Variants in RIMS2 observed in about 807,000 individuals in gnomAD.
RIMS2 encodes regulating synaptic membrane exocytosis protein 2.
RIMS2 carries 59 observed loss-of-function variants against 174.4 expected under a neutral mutation model. The ratio of observed to expected loss-of-function variants is 0.34; its 90% CI spans 0.27 to 0.42. The LOEUF (loss-of-function observed/expected upper bound fraction) is 0.42, where lower values mean the gene tolerates loss of function less well. Among genes scored for constraint, RIMS2 ranks in the 10% least tolerant of loss-of-function variants. The pLI is 1.00. For missense variants in RIMS2, 1,620 were observed against 1,666.3 expected, an observed-to-expected ratio of 0.97 and a Z score of 0.48; for synonymous variants, 606 against 572.5, an observed-to-expected ratio of 1.06 and a Z score of -0.84.
chr8:103,727,751 C>T (rs778095284), intron 2 of RIMS2, among the ~76,000 whole-genome samples: 14 of 152,084 alleles, frequency 9.2e-5, no homozygotes, highest in Admixed American at 2.0e-4. Context: ...TCACTGTCGA[C>T]GTATGGATTT....
In RIMS2 at chr8:104,014,530, CCAGA is replaced by C; in HGVS notation, c.3252_3255del (p.Thr1085AlafsTer33). 1.2e-6 allele frequency: 2 copies of C among 1,611,448 alleles called. No homozygotes were observed. ...GGTCTCATCCTCGTACTGGGTCTGT[CCAGA>C]CAAGCCCATCAAGTACTCCAGTCGC... On this transcript the variant is annotated frameshift_variant, in exon 19 of 24. Coordinates refer to ENST00000504942, the Ensembl canonical transcript of RIMS2. LOFTEE classifies it high-confidence loss of function.
intron 1 of RIMS2, among the ~76,000 whole-genome samples, chr8:103,583,866 A>G (rs2093753849): frequency 6.6e-6 from 1 of 152,218 alleles, no homozygotes; most frequent in Non-Finnish European, 1.5e-5. Context: ...TCAAAGGGTA[A>G]CAAAGTCAAC....
intron 16 of RIMS2, among the ~76,000 whole-genome samples, chr8:103,981,086 G>T (rs1306796535): frequency 1.3e-5 from 2 of 152,170 alleles, no homozygotes; most frequent in Non-Finnish European, 2.9e-5. Flanking sequence ...GTGAACATAG[G>T]TGATAGTAGC....
At chr8:104,132,044 A>G (rs2098478068) in intron 19 of RIMS2, among the ~76,000 whole-genome samples, 1 of 152,216 alleles carries the variant, frequency 6.6e-6, no homozygotes, top group Non-Finnish European at 1.5e-5. Flanking sequence ...CTAAATTCAT[A>G]AAATACATAT....
intron 19 of RIMS2, among the ~76,000 whole-genome samples, chr8:104,083,622 A>C (rs2097474257): frequency 6.6e-6 from 1 of 152,174 alleles, no homozygotes; most frequent in Non-Finnish European, 1.5e-5. Flanking sequence ...TTCTGATCTG[A>C]GGGCTTGGAG....
chr8:103,921,819 A>G (rs2077720503), intron 10 of RIMS2, 35 bp downstream of exon 13: 2 of 792,088 alleles, frequency 2.5e-6, no homozygotes, highest in African/African-American at 1.7e-5. Context: ...TCTTTTTGGA[A>G]TATCAAATAG....
At chr8:104,134,389 C>T (rs1309669188) in intron 19 of RIMS2, among the ~76,000 whole-genome samples, 1 of 152,168 alleles carries the variant, frequency 6.6e-6, no homozygotes, top group Non-Finnish European at 1.5e-5. Flanking sequence ...TGCTTGAACC[C>T]GGGAGGCGGA....
chr8:104,067,367 G>T (rs1355147588), intron 19 of RIMS2, among the ~76,000 whole-genome samples: 1 of 152,070 alleles, frequency 6.6e-6, no homozygotes, highest in Non-Finnish European at 1.5e-5. Context: ...CTGAGAAATG[G>T]AATATTCCTA....
intron 19 of RIMS2, among the ~76,000 whole-genome samples, chr8:104,089,806 C>G (rs2097604790): frequency 6.6e-6 from 1 of 151,676 alleles, no homozygotes; most frequent in Non-Finnish European, 1.5e-5. Context: ...TAAGCCTCTG[C>G]TATTTGCTAA....
At chr8:103,825,527 C>T (rs560558712) in intron 3 of RIMS2, among the ~76,000 whole-genome samples, 29 of 151,534 alleles carry the variant, frequency 1.9e-4, no homozygotes, top group Admixed American at 9.2e-4. Flanking sequence ...TCAGGCGATC[C>T]ACCTGCCTCA....
At chr8:103,763,192 C>T (rs778579509) in intron 2 of RIMS2, among the ~76,000 whole-genome samples, 16 of 152,228 alleles carry the variant, frequency 1.1e-4, no homozygotes, top group Middle Eastern at 3.4e-3. Context: ...AATCCTAGCA[C>T]TTTGGAAGGC....
intron 1 of RIMS2, among the ~76,000 whole-genome samples, chr8:103,675,024 C>T (rs746110574): frequency 2.0e-5 from 3 of 152,116 alleles, no homozygotes; most frequent in Admixed American, 1.3e-4. Flanking sequence ...GATTCTCCTG[C>T]TTCAGCCTCC....
intron 19 of RIMS2, among the ~76,000 whole-genome samples, chr8:104,087,412 A>AAGT (rs2097555476): frequency 6.6e-6 from 1 of 152,080 alleles, no homozygotes; most frequent in South Asian, 2.1e-4. Flanking sequence ...GACAAGGGAG[A>AAGT]AGTACACATA....
At chr8:103,684,344 G>A (rs1420292614) in intron 1 of RIMS2, among the ~76,000 whole-genome samples, 2 of 152,092 alleles carry the variant, frequency 1.3e-5, no homozygotes, top group Non-Finnish European at 2.9e-5. Flanking sequence ...CTGCCTGTTT[G>A]TGTATAACCA....
Position 104,204,654 on chromosome 8 carries a change from T to A in RIMS2, c.3335-40262T>A, listed in dbSNP as rs1027511167. Among the ~76,000 whole-genome samples the A allele has an allele frequency of 9.2e-5, 14 of 152,110 alleles. 2 individuals are homozygous for A. The South Asian group carries it at 2.9e-3, about 32-fold the overall frequency. On this transcript the variant is annotated intron_variant, in intron 19 of 23. Transcript: ENST00000504942. The stretch of plus-strand genomic sequence containing the variant: ...ATTTAAAAACAAAAACAAAAAAAAA[T>A]TACTTGACATTTTTAGCAAATCTAT...
At chr8:103,933,288 G>GACACACACAC (rs55909886) in intron 12 of RIMS2, among the ~76,000 whole-genome samples, 2,646 of 119,642 alleles carry the variant, frequency 0.022, 56 homozygotes, top group East Asian at 0.034. Context: ...TCGAGACTCT[G>GACACACACAC]ACACACACAC....
chr8:103,620,381 G>T (rs1055316260), intron 1 of RIMS2, among the ~76,000 whole-genome samples: 1 of 150,506 alleles, frequency 6.6e-6, no homozygotes, highest in Middle Eastern at 3.2e-3. Context: ...TTTAATTCTT[G>T]TTTTTTTTCA....
chr8:104,079,600 T>G (rs1243799375), intron 19 of RIMS2, among the ~76,000 whole-genome samples: 1 of 36,010 alleles, frequency 2.8e-5, no homozygotes, highest in Non-Finnish European at 5.2e-5. Flanking sequence ...TTAAGCATGA[T>G]ATATATATAT....
rs192025624 is a variant in RIMS2, at chr8:103,760,014, A to G, written c.388-6213A>G. Among the ~76,000 whole-genome samples, 43 of 152,368 alleles carry G rather than the reference A, an allele frequency of 2.8e-4. 1 individual carries two copies. The highest frequency in any genetic ancestry group is 1.0e-3 in the African/African-American group (42 of 41,602). ...GCTATTATTTATTGGACTACAATTT[A>G]CTGAGTAGCTTTAAAGAAGAATCTG... On this transcript the variant is annotated intron_variant, in intron 2 of 23. Transcript: ENST00000504942.
Sources: gnomAD v4.1 joint callset for allele counts (sites outside exome capture counted in the v4.1 genomes callset) on GRCh38, gnomAD v4.1.1 for gene constraint, MANE v1.5 for transcripts, NCBI Gene and HGNC (gene_info 2026-07-23, HGNC 2026-07-21) for gene names.